Variants in KLF8 observed in about 807,000 individuals in gnomAD.
The protein encoded by KLF8 is Krueppel-like factor 8.
In KLF8, 10 loss-of-function variants were observed where a neutral mutation model predicts 18.2. The ratio of observed to expected loss-of-function variants is 0.55; its 90% CI spans 0.34 to 0.93. The LOEUF (loss-of-function observed/expected upper bound fraction) is 0.93. Ranked by LOEUF, KLF8 falls within the 40% of genes least tolerant of loss-of-function variation. The pLI, the probability that KLF8 is intolerant of heterozygous loss-of-function variation, is 0.02. For synonymous variants in KLF8, 109 were observed against 97.3 expected, an observed-to-expected ratio of 1.12 and a Z score of -0.71; for missense variants, 264 against 277.9, an observed-to-expected ratio of 0.95 and a Z score of 0.36.
At chrX:56,056,013 C>T in the KLF8 span, among the ~76,000 whole-genome samples, 1 of 111,120 alleles carries the variant, frequency 9.0e-6, no homozygotes, top group African/African-American at 3.3e-5. Flanking sequence ...TTGATGTACT[C>T]CTGGATCTCA....
At chrX:56,050,240 T>G in the KLF8 span, among the ~76,000 whole-genome samples, 2 of 111,745 alleles carry the variant, frequency 1.8e-5, no homozygotes, top group Non-Finnish European at 3.8e-5. Context: ...ATTAATTTTT[T>G]TAAGGGTTTT....
At chrX:56,243,698 G>C (rs1027490997) in intron 1 of KLF8, among the ~76,000 whole-genome samples, 7 of 108,769 alleles carry the variant, frequency 6.4e-5, no homozygotes, top group African/African-American at 1.0e-4. Context: ...ACCACTCCCA[G>C]CTAATTTTTA....
chrX:56,194,445 C>T, the KLF8 span, among the ~76,000 whole-genome samples: 1 of 112,060 alleles, frequency 8.9e-6, no homozygotes, highest in African/African-American at 3.2e-5. Context: ...ACCCGCAGAG[C>T]CTTGCTCACT....
At chrX:55,985,754 A>C in the KLF8 span, among the ~76,000 whole-genome samples, 2 of 110,320 alleles carry the variant, frequency 1.8e-5, no homozygotes, top group Non-Finnish European at 3.8e-5. Flanking sequence ...AGTTCTTCCT[A>C]TTCAGGAGCA....
At chrX:55,974,506 T>A in the KLF8 span, among the ~76,000 whole-genome samples, 2 of 111,843 alleles carry the variant, frequency 1.8e-5, no homozygotes, top group African/African-American at 6.5e-5. Context: ...GGATCATTTC[T>A]TTATTAATTT....
At chrX:55,986,171 A>G in the KLF8 span, among the ~76,000 whole-genome samples, 1 of 111,266 alleles carries the variant, frequency 9.0e-6, no homozygotes, top group Admixed American at 9.6e-5. Context: ...TTCCAATACT[A>G]TGTTGAACAG....
the KLF8 span, among the ~76,000 whole-genome samples, chrX:56,041,118 C>T: frequency 9.2e-6 from 1 of 108,421 alleles, no homozygotes; most frequent in Non-Finnish European, 1.9e-5. Flanking sequence ...TCCGCTTTAT[C>T]CTTTTTTAAT....
chrX:56,220,023 T>C, the KLF8 span, among the ~76,000 whole-genome samples: 2 of 111,942 alleles, frequency 1.8e-5, no homozygotes, highest in African/African-American at 6.5e-5. Context: ...AAGTAATGCA[T>C]GTATAGTGCT....
the KLF8 span, among the ~76,000 whole-genome samples, chrX:56,093,649 T>C: frequency 9.0e-6 from 1 of 110,954 alleles, no homozygotes; most frequent in Non-Finnish European, 1.9e-5. Flanking sequence ...AAAATACTTA[T>C]ATATTTTTAT....
chrX:55,977,111 T>C, the KLF8 span, among the ~76,000 whole-genome samples: 3 of 112,221 alleles, frequency 2.7e-5, no homozygotes. Flanking sequence ...CTTTTATTTC[T>C]TTGTCTTGTC....
chrX:56,167,946 G>T, the KLF8 span, among the ~76,000 whole-genome samples: 10 of 111,455 alleles, frequency 9.0e-5, no homozygotes, highest in African/African-American at 3.3e-4. Flanking sequence ...TTTTAATGCT[G>T]AATTTTCATA....
At chrX:56,195,223 G>C in the KLF8 span, among the ~76,000 whole-genome samples, 1 of 112,240 alleles carries the variant, frequency 8.9e-6, no homozygotes, top group East Asian at 2.8e-4. Context: ...AATCTGGATG[G>C]AGTATGACTT....
the KLF8 span, among the ~76,000 whole-genome samples, chrX:55,920,875 C>T: frequency 1.8e-5 from 2 of 111,893 alleles, no homozygotes; most frequent in Admixed American, 1.9e-4. Flanking sequence ...AAAACTTACT[C>T]GGCCATGCTA....
chrX:56,015,782 T>C, the KLF8 span, among the ~76,000 whole-genome samples: 9,985 of 111,109 alleles, frequency 0.09, 1,097 homozygotes, highest in African/African-American at 0.31. Context: ...TCAATGGTGG[T>C]GTAGAGAAGG....
chrX:55,934,316 C>G, the KLF8 span, among the ~76,000 whole-genome samples: 1 of 111,544 alleles, frequency 9.0e-6, no homozygotes, highest in Non-Finnish European at 1.9e-5. Context: ...TATAATGGGG[C>G]TTTATATAGG....
chrX:56,181,294 T>C, the KLF8 span, among the ~76,000 whole-genome samples: 1 of 111,402 alleles, frequency 9.0e-6, no homozygotes, highest in African/African-American at 3.3e-5. Context: ...AGCCCTGCTT[T>C]TTTTTGTTTT....
chrX:56,189,190 C>A, the KLF8 span, among the ~76,000 whole-genome samples: 2 of 111,440 alleles, frequency 1.8e-5, no homozygotes, highest in African/African-American at 6.5e-5. Flanking sequence ...AGCAAACAAC[C>A]CCATCAAAAA....
intron 5 of KLF8, among the ~76,000 whole-genome samples, chrX:56,272,531 A>G (rs1227182745): frequency 2.7e-5 from 3 of 111,219 alleles, no homozygotes; most frequent in African/African-American, 9.8e-5. Flanking sequence ...TAGATTCGGA[A>G]TTGTTCTTAT....
chrX:56,106,882 C>G, the KLF8 span, among the ~76,000 whole-genome samples: 2,990 of 111,869 alleles, frequency 0.027, 94 homozygotes, highest in African/African-American at 0.093. Flanking sequence ...TATTGGTGAC[C>G]TACAGATGGG....
Sources: allele counts gnomAD v4.1 joint callset (sites outside exome capture counted in the v4.1 genomes callset), GRCh38; gene constraint gnomAD v4.1.1; transcripts MANE v1.5; gene names NCBI Gene and HGNC (gene_info 2026-07-23, HGNC 2026-07-21).